The following AGK variants were observed in gnomAD, a reference collection of about 807,000 sequenced individuals.
AGK encodes acylglycerol kinase, mitochondrial.
In AGK, 52 loss-of-function variants were observed where a neutral mutation model predicts 66.4. The observed-to-expected ratio is 0.78, with a 90% CI of 0.63 to 0.99. AGK has a LOEUF of 0.99. AGK is among the 50% of genes least tolerant of loss of function. The probability of loss-of-function intolerance (pLI) is 0.00; values close to 1 mark genes in which losing one functional copy is unlikely to be tolerated. For synonymous variants in AGK, 182 were observed against 181.1 expected (o/e 1.00, Z -0.04); for missense variants, 451 against 506.6 (o/e 0.89, Z 1.05).
chr7:141,647,009 TTGG>T (rs1306117966), intron 13 of AGK, among the ~76,000 whole-genome samples: 1 of 152,188 alleles, frequency 6.6e-6, no homozygotes, highest in Non-Finnish European at 1.5e-5. Flanking sequence ...GCCTGGTGAC[TTGG>T]TGGTTGTCCT....
intron 13 of AGK, among the ~76,000 whole-genome samples, chr7:141,643,173 T>C (rs1053338180): frequency 2.0e-5 from 3 of 152,278 alleles, no homozygotes; most frequent in Admixed American, 6.5e-5. Flanking sequence ...TACATGTCCA[T>C]TGCAAAACAT....
intron 5 of AGK, among the ~76,000 whole-genome samples, chr7:141,606,309 G>A (rs1796459553): frequency 6.6e-6 from 1 of 152,092 alleles, no homozygotes; most frequent in Non-Finnish European, 1.5e-5. Flanking sequence ...CTTTCCATGA[G>A]GTATGGGCTA....
In AGK at chr7:141,641,336, G is replaced by C; in HGVS notation, c.815G>C (p.Arg272Thr). The C allele has an allele frequency of 1.2e-6, 2 of 1,613,918 alleles. No homozygotes were observed. The highest frequency in any genetic ancestry group is 2.2e-5 in the South Asian group (2 of 91,038). Residue 272 changes from arginine (R) to threonine (T), a missense_variant, in exon 12 of 16, where the codon AGG becomes ACG. By Grantham distance (71) the Arg-to-Thr change is moderately conservative. Coordinates refer to ENST00000649286, the MANE Select transcript of AGK (RefSeq NM_018238.4). ...GAACCAGAGGAGACCCCTGTACAAAGGCCTTCTTTGTACAGGAGAATATTA... is the reference window on the plus strand; with the variant it reads ...GAACCAGAGGAGACCCCTGTACAAACGCCTTCTTTGTACAGGAGAATATTA... ...PNEPEETPVQ[R>T]PSLYRRILRR...
At chr7:141,579,232 G>GT (rs1562963241) in intron 2 of AGK, among the ~76,000 whole-genome samples, 3 of 152,062 alleles carry the variant, frequency 2.0e-5, no homozygotes, top group African/African-American at 7.3e-5. Context: ...TCCTTTTTAA[G>GT]TTGGTGGCTG....
rs1385407086 is a variant in AGK, at chr7:141,621,740, C to G, written c.527C>G (p.Thr176Ser). Residue 176 changes from threonine to serine, a missense_variant, in exon 9 of 16, where the codon ACT (threonine) becomes AGT (serine). Thr to Ser is a moderately conservative substitution (Grantham distance 58). Transcript: ENST00000649286. ...AESGNKVQHI[T>S]DATLAIVKGE... The stretch of plus-strand genomic sequence containing the variant: ...TTCCTTTTCTCTTTTAGACATATTA[C>G]TGATGCCACACTTGCCATTGTGAAA... 6.2e-7 allele frequency: 1 copy of G among 1,612,626 alleles called. No homozygotes were observed. The highest frequency in any genetic ancestry group is 1.3e-5 in the African/African-American group (1 of 74,942).
intron 2 of AGK, among the ~76,000 whole-genome samples, chr7:141,564,075 T>C (rs1013867895): frequency 6.6e-6 from 1 of 152,176 alleles, no homozygotes. Context: ...ATCTTCCCAC[T>C]TCAGCCGCCT....
intron 2 of AGK, among the ~76,000 whole-genome samples, chr7:141,564,100 A>G (rs1435842324): frequency 6.6e-6 from 1 of 152,182 alleles, no homozygotes; most frequent in Non-Finnish European, 1.5e-5. Context: ...AGCTGAGACT[A>G]TATGTGCATG....
intron 9 of AGK, among the ~76,000 whole-genome samples, chr7:141,628,446 A>G (rs920260814): frequency 6.6e-6 from 1 of 152,248 alleles, no homozygotes; most frequent in African/African-American, 2.4e-5. Flanking sequence ...GAAAAAGATT[A>G]TAGACAAAGC....
Position 141,587,949 on chromosome 7 carries a change from A to G in AGK, c.102-5197A>G, listed in dbSNP as rs531402891. Among the ~76,000 whole-genome samples the G allele has an allele frequency of 1.1e-4, 16 of 152,236 alleles. No homozygotes were observed. The East Asian group carries it at 1.7e-3, about 17-fold the overall frequency. On this transcript the variant is annotated intron_variant, in intron 2 of 15. Coordinates refer to ENST00000649286, the MANE Select transcript of AGK (RefSeq NM_018238.4). ...TTACCAAGAGCTGTTCTTCTTTACC[A>G]CTTGATCCTAAGCTTCTTCAGGGCA...
At position 141,652,822 on chromosome 7, in the gene AGK, G is replaced by A; in HGVS notation, c.1167G>A (p.Glu389=). The change falls in exon 16 of 16, where the codon GAG becomes GAA. Residue 389 remains glutamate (E), a synonymous_variant. Coordinates refer to ENST00000649286, the MANE Select transcript of AGK (RefSeq NM_018238.4). ...AGGSFSIDSE[E]YEAMPVEVKL... ...GCTCTTTTAGCATTGACAGTGAGGA[G>A]TATGAAGCGATGCCTGTGGAGGTGA... The A allele has an allele frequency of 1.2e-6, 2 of 1,613,886 alleles. No individual in the cohort carries two copies. The highest frequency in any genetic ancestry group is 2.2e-5 in the East Asian group (1 of 44,864).
In AGK at chr7:141,641,297, A is replaced by G. The variant is rs745852457; in HGVS notation, c.776A>G (p.Glu259Gly). The G allele has an allele frequency of 3.1e-6, 5 of 1,613,904 alleles. No homozygotes were observed. The Admixed American group carries it at 8.3e-5, about 27-fold the overall frequency. ...QASISYTGPT[E>G]RPPNEPEETP... ...TCTATCTCATACACGGGACCTACAGAGAGACCTCCCAATGAACCAGAGGAG... is the reference window on the plus strand; with the variant it reads ...TCTATCTCATACACGGGACCTACAGGGAGACCTCCCAATGAACCAGAGGAG... Residue 259 changes from glutamate to glycine, a missense_variant, in exon 12 of 16, where the codon GAG becomes GGG. By Grantham distance (98) the Glu-to-Gly change is moderately conservative (BLOSUM62 -2). Coordinates refer to ENST00000649286, the MANE Select transcript of AGK (RefSeq NM_018238.4).
In AGK at chr7:141,555,409, T is replaced by C; in HGVS notation, c.-14-44T>C. 1 of 1,349,954 alleles carries C rather than the reference T, an allele frequency of 7.4e-7. No homozygotes were observed. Among genetic ancestry groups the C allele is most frequent in the Non-Finnish European group, 1.1e-6 (1 of 952,344 alleles). The allele number at this position is 1,349,954 out of a possible 1,614,324, so 83.6% of individuals were successfully genotyped here. A position where few individuals can be genotyped will look rare whatever the true frequency, so the allele number is the denominator to read the frequency against. Reference sequence around the variant, plus strand: ...TAATAGGGACATTACATGAAGACCATGGATAAATTATATTTTTTTCTCTTT... The same window carrying C: ...TAATAGGGACATTACATGAAGACCACGGATAAATTATATTTTTTTCTCTTT... On this transcript the variant is annotated intron_variant, in intron 1 of 15. Transcript: ENST00000649286. This position sits in a 1 kb window ranked among gnomAD's most constrained non-coding sequence, Gnocchi z 4.2.
chr7:141,564,639 ACT>A (rs1353847559), intron 2 of AGK, among the ~76,000 whole-genome samples: 1 of 151,722 alleles, frequency 6.6e-6, no homozygotes, highest in African/African-American at 2.4e-5. Flanking sequence ...GACACAGTTG[ACT>A]CTCCTCGAAA....
In AGK at chr7:141,593,134, T is replaced by C. The variant is rs2116921556; in HGVS notation, c.102-12T>C. The C allele has an allele frequency of 2.5e-6, 4 of 1,609,390 alleles. No homozygotes were observed. In the African/African-American group the frequency reaches 4.0e-5, roughly 16 times the overall value. ...AAAGCTAATGATTATTCTCTTTTGCTTACTTTGATAGTGATAACCTCCTAA... is the reference window on the plus strand; with the variant it reads ...AAAGCTAATGATTATTCTCTTTTGCCTACTTTGATAGTGATAACCTCCTAA... On this transcript the variant is annotated splice_polypyrimidine_tract_variant and intron_variant, in intron 2 of 15. Coordinates refer to ENST00000649286, the MANE Select transcript of AGK (RefSeq NM_018238.4).
At chr7:141,638,508 A>G (rs1295258994) in intron 11 of AGK, among the ~76,000 whole-genome samples, 2 of 152,178 alleles carry the variant, frequency 1.3e-5, no homozygotes, top group Non-Finnish European at 2.9e-5. Flanking sequence ...GCATTTTAGA[A>G]AAATTGTTTT....
chr7:141,637,072 A>G (rs1797191181), intron 11 of AGK, 55 bp downstream of exon 11: 1 of 1,443,930 alleles, frequency 6.9e-7, no homozygotes, highest in Admixed American at 1.8e-5. Context: ...GTTTCTCTGT[A>G]ATGCATATAT....
chr7:141,636,654 A>G (rs147146733), intron 10 of AGK, among the ~76,000 whole-genome samples: 6 of 152,292 alleles, frequency 3.9e-5, no homozygotes, highest in South Asian at 2.1e-4. Context: ...ACTGTATTCT[A>G]TGGCTTAAAG....
intron 5 of AGK, among the ~76,000 whole-genome samples, chr7:141,602,062 A>G (rs142613019): frequency 6.6e-6 from 1 of 152,262 alleles, no homozygotes; most frequent in African/African-American, 2.4e-5. Flanking sequence ...TGTGGCAGGT[A>G]TGAGAGACCC....
At chr7:141,552,627 G>T (rs188224993) in intron 1 of AGK, among the ~76,000 whole-genome samples, 2 of 152,182 alleles carry the variant, frequency 1.3e-5, no homozygotes, top group African/African-American at 4.8e-5. Context: ...ACACACTGCC[G>T]CAAAATATGA....
Sources: gnomAD v4.1 joint callset for allele counts (sites outside exome capture counted in the v4.1 genomes callset) on GRCh38, gnomAD v4.1.1 for gene constraint, Gnocchi (gnomAD v3.1) non-coding constraint, MANE v1.5 for transcripts, NCBI Gene and HGNC (gene_info 2026-07-23, HGNC 2026-07-21) for gene names.